MGAT4C: variants seen among roughly 807,000 people sequenced by gnomAD.
MGAT4C encodes the protein MGAT4 family member C, also known as alpha-1,3-mannosyl-glycoprotein 4-beta-N-acetylglucosaminyltransferase C.
Under a neutral mutation model 40.1 loss-of-function variants are expected in MGAT4C, and 19 were observed. The ratio of observed to expected loss-of-function variants is 0.47; its 90% CI spans 0.33 to 0.70. The LOEUF is 0.70. Ranked by LOEUF, MGAT4C falls within the 30% of genes least tolerant of loss-of-function variation. MGAT4C has a pLI of 0.02. For missense variants in MGAT4C, 491 were observed against 563.2 expected (o/e 0.87, Z 1.30); for synonymous variants, 181 against 187.1 (o/e 0.97, Z 0.27).
intron 3 of MGAT4C, among the ~76,000 whole-genome samples, chr12:86,348,163 A>G (rs573837347): frequency 1.3e-5 from 2 of 152,242 alleles, no homozygotes; most frequent in East Asian, 1.9e-4. Flanking sequence ...ATTGTTCGAA[A>G]TCATTCCACA....
intron 3 of MGAT4C, among the ~76,000 whole-genome samples, chr12:86,335,497 T>C (rs1002782650): frequency 6.6e-6 from 1 of 152,024 alleles, no homozygotes; most frequent in African/African-American, 2.4e-5. Flanking sequence ...GCAAATCCCC[T>C]CACTAATATC....
intron 4 of MGAT4C, among the ~76,000 whole-genome samples, chr12:86,262,574 A>G (rs539977977): frequency 6.6e-6 from 1 of 152,120 alleles, no homozygotes; most frequent in East Asian, 1.9e-4. Flanking sequence ...AGATGTTTGT[A>G]TCTTCCACTA....
At chr12:86,699,302 TATAAGCAC>T (rs1317111128) in intron 2 of MGAT4C, among the ~76,000 whole-genome samples, 1 of 152,162 alleles carries the variant, frequency 6.6e-6, no homozygotes, top group Non-Finnish European at 1.5e-5. Context: ...GCTTTAGCAA[TATAAGCAC>T]TTAGACTCTT....
intron 2 of MGAT4C, among the ~76,000 whole-genome samples, chr12:86,438,838 T>C (rs1302152561): frequency 6.6e-6 from 1 of 151,572 alleles, no homozygotes; most frequent in East Asian, 1.9e-4. Flanking sequence ...TCATATCAGA[T>C]GAAACAGAAC....
intron 1 of MGAT4C, among the ~76,000 whole-genome samples, chr12:86,745,543 C>T (rs1028704429): frequency 6.6e-6 from 1 of 151,390 alleles, no homozygotes; most frequent in Non-Finnish European, 1.5e-5. Flanking sequence ...AGTTAAACAG[C>T]AAGATAATAG....
In MGAT4C at chr12:86,294,374, T is replaced by A. The variant is rs373280891; in HGVS notation, c.-57+39691A>T. ...ACTCACTAAAACTCCTTTTTTTTTT[T>A]AATCTAAATCCTTGCTTTTATCACT... On this transcript the variant is annotated intron_variant, in intron 4 of 7. Coordinates refer to the MGAT4C transcript ENST00000548651. Among the ~76,000 whole-genome samples, 1,280 of 146,394 alleles carry A rather than the reference T, an allele frequency of 8.7e-3. 16 individuals carry two copies. Among genetic ancestry groups the A allele is most frequent in the Non-Finnish European group, 0.012 (783 of 66,108 alleles).
chr12:86,527,864 G>A (rs968710318), intron 2 of MGAT4C, among the ~76,000 whole-genome samples: 13 of 152,138 alleles, frequency 8.5e-5, no homozygotes, highest in Non-Finnish European at 1.5e-5. Context: ...TCACTCATAT[G>A]TGGTAGCTAA....
intron 2 of MGAT4C, among the ~76,000 whole-genome samples, chr12:86,524,373 T>C (rs1465929001): frequency 1.3e-5 from 2 of 152,128 alleles, no homozygotes; most frequent in Non-Finnish European, 2.9e-5. Context: ...AGATATGAAA[T>C]TCTGGGTTGG....
chr12:86,404,721 A>G (rs570851185), intron 3 of MGAT4C, among the ~76,000 whole-genome samples: 1 of 152,260 alleles, frequency 6.6e-6, no homozygotes, highest in East Asian at 1.9e-4. Context: ...TAATAAAAAG[A>G]AAAGAAAAGT....
chr12:86,756,683 T>A (rs1368856224), intron 1 of MGAT4C, among the ~76,000 whole-genome samples: 1 of 152,164 alleles, frequency 6.6e-6, no homozygotes, highest in Non-Finnish European at 1.5e-5. Flanking sequence ...AACTATTTCT[T>A]TCTAAGTTGT....
intron 2 of MGAT4C, among the ~76,000 whole-genome samples, chr12:86,706,720 GAAAAAC>G (rs1565938891): frequency 6.6e-6 from 1 of 151,984 alleles, no homozygotes; most frequent in East Asian, 1.9e-4. Context: ...TGGCACAAGG[GAAAAAC>G]AAAAACAAAA....
At chr12:86,227,760 A>T (rs1010199741) in intron 1 of MGAT4C, among the ~76,000 whole-genome samples, 19 of 152,022 alleles carry the variant, frequency 1.2e-4, no homozygotes, top group African/African-American at 4.3e-4. Context: ...GATACCAAGG[A>T]TTCTCTATCC....
Position 85,975,618 on chromosome 12 carries a change from A to C in MGAT4C, c.*3671T>G, listed in dbSNP as rs906836772. The C allele has an allele frequency of 6.6e-6, 1 of 150,916 alleles. No individual in the cohort carries two copies. The highest frequency in any genetic ancestry group is 2.1e-4 in the South Asian group (1 of 4,826). 9.3% of individuals were successfully genotyped at this position (150,916 alleles called of 1,614,324 possible). ...AGGCATGCATATAAAATTTGTTGAA[A>C]CACAAAGCTGAGGAGGCATAATAAG... On this transcript the variant is annotated 3_prime_UTR_variant, in exon 5 of 5. Transcript: ENST00000611864.
At chr12:86,772,040 A>T (rs888026972) in intron 1 of MGAT4C, among the ~76,000 whole-genome samples, 5 of 152,152 alleles carry the variant, frequency 3.3e-5, no homozygotes, top group Admixed American at 3.3e-4. Context: ...ATCTGAAGAT[A>T]TGGAAAATCC....
chr12:86,486,408 AC>A (rs1958020548), intron 2 of MGAT4C, among the ~76,000 whole-genome samples: 7 of 151,540 alleles, frequency 4.6e-5, no homozygotes, highest in Non-Finnish European at 8.8e-5. Context: ...ACACACACAC[AC>A]ACACACACAC....
At chr12:86,531,243 C>T (rs566051570) in intron 2 of MGAT4C, among the ~76,000 whole-genome samples, 3 of 152,190 alleles carry the variant, frequency 2.0e-5, no homozygotes, top group African/African-American at 7.2e-5. Flanking sequence ...AGCATGTGAT[C>T]TGTCCATCAT....
chr12:86,144,096 A>G (rs1883204928), intron 1 of MGAT4C, among the ~76,000 whole-genome samples: 1 of 152,242 alleles, frequency 6.6e-6, no homozygotes, highest in Non-Finnish European at 1.5e-5. Context: ...CTGGGCATCC[A>G]GGAGAGACCA....
chr12:86,262,165 C>G (rs1397143243), intron 4 of MGAT4C, among the ~76,000 whole-genome samples: 1 of 152,064 alleles, frequency 6.6e-6, no homozygotes, highest in Non-Finnish European at 1.5e-5. Context: ...TCGCAAATGA[C>G]AAGTTTCAGT....
At chr12:86,070,227 AC>A (rs1361411181) in intron 1 of MGAT4C, among the ~76,000 whole-genome samples, 3 of 152,030 alleles carry the variant, frequency 2.0e-5, no homozygotes, top group Non-Finnish European at 4.4e-5. Flanking sequence ...CTCCCTCCAA[AC>A]AGGCATTCTA....
Sources: gnomAD v4.1 joint callset for allele counts (sites outside exome capture counted in the v4.1 genomes callset) on GRCh38, gnomAD v4.1.1 for gene constraint, MANE v1.5 for transcripts, NCBI Gene and HGNC (gene_info 2026-07-23, HGNC 2026-07-21) for gene names.